Variants in CUBN observed in about 807,000 individuals in gnomAD.
CUBN encodes 460 kDa receptor.
In CUBN, 282 loss-of-function variants were observed where a neutral mutation model predicts 405.3. The ratio of observed to expected loss-of-function variants is 0.70; its 90% CI spans 0.63 to 0.77. The LOEUF is 0.77. CUBN is among the 30% of genes least tolerant of loss of function. CUBN has a pLI of 0.00. For missense variants in CUBN, 4,514 were observed against 4,475.2 expected, an observed-to-expected ratio of 1.01 and a Z score of -0.25; for synonymous variants, 1,684 against 1,617.0, an observed-to-expected ratio of 1.04 and a Z score of -0.99.
At chr10:16,826,748 T>C (rs1838796680) in intron 66 of CUBN, among the ~76,000 whole-genome samples, 1 of 152,206 alleles carries the variant, frequency 6.6e-6, no homozygotes, top group South Asian at 2.1e-4. Flanking sequence ...ACTCGGTTTA[T>C]ACTTGTTCAG....
chr10:17,084,274 A>G lies in CUBN; in HGVS notation c.2298T>C (p.Ile766=). The change falls in exon 17 of 67, where the codon ATT becomes ATC. Residue 766 remains isoleucine, a synonymous_variant. Coordinates refer to ENST00000377833, the MANE Select transcript of CUBN (RefSeq NM_001081.4). ...GCGATTGAGTAGTGAAAGTTACCTCAATGTAATTCTGAGAACTGTCACTCT... is the reference window on the plus strand; with the variant it reads ...GCGATTGAGTAGTGAAAGTTACCTCGATGTAATTCTGAGAACTGTCACTCT... ...QCQSDSSQNY[I]EVRDGETLLG... 6.2e-7 allele frequency: 1 copy of G among 1,613,954 alleles called. No individual in the cohort carries two copies. Among genetic ancestry groups the G allele is most frequent in the Non-Finnish European group, 8.5e-7 (1 of 1,179,980 alleles).
intron 64 of CUBN, among the ~76,000 whole-genome samples, chr10:16,834,271 G>C (rs1488708253): frequency 1.3e-5 from 2 of 152,112 alleles, no homozygotes; most frequent in Non-Finnish European, 2.9e-5. Context: ...CAGCGATGGG[G>C]CAGAAAGAGC....
intron 59 of CUBN, among the ~76,000 whole-genome samples, chr10:16,851,977 C>A (rs1839711644): frequency 1.7e-5 from 2 of 118,148 alleles, no homozygotes; most frequent in Non-Finnish European, 1.8e-5. Context: ...TCCCTCCCTC[C>A]CTCTATCTTT....
At chr10:16,859,237 CATTG>C (rs1332037398) in intron 59 of CUBN, among the ~76,000 whole-genome samples, 1 of 152,018 alleles carries the variant, frequency 6.6e-6, no homozygotes, top group Non-Finnish European at 1.5e-5. Flanking sequence ...GACAAAGGAT[CATTG>C]ATTGAGAATA....
intron 13 of CUBN, 99 bp from the exon 14 acceptor site, chr10:17,100,338 A>G (rs1385854376): frequency 1.3e-6 from 1 of 773,922 alleles, no homozygotes; most frequent in Non-Finnish European, 2.3e-6. Context: ...AGGCACTTTC[A>G]AGAGCTAGAC....
At chr10:17,010,083 A>G (rs1478703295) in intron 28 of CUBN, among the ~76,000 whole-genome samples, 3 of 152,202 alleles carry the variant, frequency 2.0e-5, no homozygotes, top group African/African-American at 7.2e-5. Context: ...GCCTTGCCCC[A>G]GACCCCATCC....
intron 62 of CUBN, among the ~76,000 whole-genome samples, chr10:16,837,146 C>T (rs1839196282): frequency 6.6e-6 from 1 of 152,040 alleles, no homozygotes; most frequent in Non-Finnish European, 1.5e-5. Flanking sequence ...TCTAACTTTG[C>T]TGTATCCTGT....
At chr10:17,026,508 C>T (rs1436065641) in intron 27 of CUBN, among the ~76,000 whole-genome samples, 1 of 152,106 alleles carries the variant, frequency 6.6e-6, no homozygotes, top group Non-Finnish European at 1.5e-5. Flanking sequence ...TGGCGTACGC[C>T]TGTAGTCCCA....
intron 22 of CUBN, among the ~76,000 whole-genome samples, chr10:17,061,045 A>G (rs111251761): frequency 3.5e-4 from 54 of 152,238 alleles, no homozygotes; most frequent in African/African-American, 1.2e-3. Flanking sequence ...GTGAAACTCC[A>G]TCTCAAAAAA....
At chr10:17,054,644 T>C (rs1023130808) in intron 22 of CUBN, among the ~76,000 whole-genome samples, 7 of 151,934 alleles carry the variant, frequency 4.6e-5, no homozygotes, top group African/African-American at 1.7e-4. Flanking sequence ...GATGTCACTA[T>C]AGAATCTTCA....
intron 56 of CUBN, among the ~76,000 whole-genome samples, chr10:16,885,945 G>C (rs932598004): frequency 6.6e-6 from 1 of 152,158 alleles, no homozygotes; most frequent in African/African-American, 2.4e-5. Flanking sequence ...TCACACAGTG[G>C]TGACAACTCT....
intron 27 of CUBN, among the ~76,000 whole-genome samples, chr10:17,028,525 A>C (rs942085920): frequency 6.6e-6 from 1 of 151,886 alleles, no homozygotes; most frequent in Non-Finnish European, 1.5e-5. Flanking sequence ...GCCCGAGACC[A>C]CACTGGCCAT....
In CUBN at chr10:17,099,984, T is replaced by A. The variant is rs762026274; in HGVS notation, c.1765+21A>T. ...ATAACCTCAAAATTTTGCTTGCTTT[T>A]TTCTCCAGGTTCACACATACCTGGT... On this transcript the variant is annotated intron_variant, in intron 14 of 66. Coordinates refer to ENST00000377833, the MANE Select transcript of CUBN (RefSeq NM_001081.4). 5.7e-6 allele frequency: 9 copies of A among 1,580,304 alleles called. No homozygotes were observed. The South Asian group carries it at 8.9e-5, about 16-fold the overall frequency.
chr10:17,064,384 G>T (rs750045832), intron 22 of CUBN, among the ~76,000 whole-genome samples: 34 of 152,126 alleles, frequency 2.2e-4, no homozygotes, highest in Non-Finnish European at 4.3e-4. Context: ...TTTATTTTAG[G>T]GAGTGGGGAC....
intron 31 of CUBN, among the ~76,000 whole-genome samples, chr10:16,974,338 C>T (rs11254308): frequency 0.37 from 56,477 of 151,962 alleles, 10,883 homozygotes; most frequent in South Asian, 0.44. Context: ...TGGCTCACTT[C>T]TTATTTTAAT....
At chr10:17,084,220 A>G in intron 17 of CUBN, 51 bp downstream of exon 17, 1 of 1,576,856 alleles carries the variant, frequency 6.3e-7, no homozygotes, top group Non-Finnish European at 8.7e-7. Flanking sequence ...TCTGCAGAAT[A>G]TAAAAATGTT....
At position 16,984,132 on chromosome 10, in the gene CUBN, T is replaced by G; in HGVS notation, c.4498A>C (p.Asn1500His). 1 of 1,614,136 alleles carries G rather than the reference T, an allele frequency of 6.2e-7. No homozygotes were observed. Among genetic ancestry groups the G allele is most frequent in the Non-Finnish European group, 8.5e-7 (1 of 1,180,018 alleles). Residue 1500 changes from asparagine to histidine, a missense_variant, in exon 30 of 67, where the codon AAT (asparagine) becomes CAT (histidine). Physicochemically the swap from Asn to His is moderately conservative, Grantham distance 68 (BLOSUM62 1). Transcript: ENST00000377833. ...CCAGTGACTGCTTGCCATGACGCAT[T>G]GAAGCCTCTCCCATTTATGGACAAG... Reference protein sequence around the residue: ...TDLSINGRGFNASWQAVTGGC... With the variant: ...TDLSINGRGFHASWQAVTGGC...
intron 4 of CUBN, among the ~76,000 whole-genome samples, chr10:17,126,078 C>A (rs915012891): frequency 2.0e-5 from 3 of 152,046 alleles, no homozygotes; most frequent in African/African-American, 7.2e-5. Flanking sequence ...GAAGCATGAG[C>A]AAAACAGATG....
intron 33 of CUBN, 74 bp from the exon 34 acceptor site, chr10:16,950,185 G>T: frequency 1.0e-6 from 1 of 994,944 alleles, no homozygotes; most frequent in Non-Finnish European, 1.6e-6. Context: ...GGCAAGACGG[G>T]GAGGTGGGGA....
Sources: allele counts gnomAD v4.1 joint callset (sites outside exome capture counted in the v4.1 genomes callset), GRCh38; gene constraint gnomAD v4.1.1; transcripts MANE v1.5; gene names NCBI Gene and HGNC (gene_info 2026-07-23, HGNC 2026-07-21).